GATM: variants seen among roughly 807,000 people sequenced by gnomAD.
The protein encoded by GATM is glycine amidinotransferase, mitochondrial.
A neutral mutation model predicts 54.2 loss-of-function variants in GATM; 23 were observed. That is an observed-to-expected ratio of 0.42 (90% CI 0.31 to 0.60). The LOEUF is 0.60. Among genes scored for constraint, GATM ranks in the 20% least tolerant of loss-of-function variants. The pLI is 0.14. For missense variants in GATM, 401 were observed against 544.9 expected (o/e 0.74, Z 2.63); for synonymous variants, 168 against 183.1 (o/e 0.92, Z 0.67).
intron 2 of GATM, among the ~76,000 whole-genome samples, chr15:45,398,491 A>C (rs1281590498): frequency 1.3e-5 from 2 of 152,172 alleles, no homozygotes; most frequent in African/African-American, 2.4e-5. Context: ...TACTCTAAAG[A>C]CTAATTCTAA....
intron 1 of GATM, chr15:45,377,220 G>A (rs777543113): frequency 4.1e-6 from 2 of 490,746 alleles, no homozygotes; most frequent in South Asian, 1.5e-5. Flanking sequence ...TCTCAGCTGG[G>A]GACGGAACCT....
chr15:45,368,061 G>C lies in GATM; in HGVS notation c.675+9C>G, dbSNP rs766041671. 1.2e-5 allele frequency: 20 copies of C among 1,613,096 alleles called. No individual in the cohort carries two copies. Among genetic ancestry groups the C allele is most frequent in the Non-Finnish European group, 1.6e-5 (19 of 1,179,268 alleles). On this transcript the variant is annotated intron_variant, in intron 4 of 8. Transcript: ENST00000396659. This position sits in a 1 kb window ranked among gnomAD's most constrained non-coding sequence, Gnocchi z 5.1. ...TTAGTAATAAGCTAGCCTATAATTA[G>C]GGACTCACCTGGTTATAAAGCTCAT...
At position 45,387,220 on chromosome 15, in the gene GATM, T is replaced by G. The variant is rs149323827; in HGVS notation, c.-319+9702A>C. ...CAATTAAATCATTTCAGGGGACAGA[T>G]TTCAGACATTCCCAAGAGAATGCAT... On this transcript the variant is annotated intron_variant, in intron 3 of 4. Transcript: ENST00000561148. Among the ~76,000 whole-genome samples the G allele has an allele frequency of 3.3e-3, 507 of 152,308 alleles. 1 individual carries two copies. Among genetic ancestry groups the G allele is most frequent in the African/African-American group, 0.012 (484 of 41,576 alleles).
Position 45,369,496 on chromosome 15 carries a change from G to T in GATM, c.314C>A (p.Pro105Gln). ...ATGCCCTCCTTGCTTCTGGTAAAAT[G>T]GCCAGTACTTTTCATATGTGTTGGC... ...VKANTYEKYWPFYQKQGGHYF... is the reference protein window; with the variant it reads ...VKANTYEKYWQFYQKQGGHYF... Residue 105 changes from proline to glutamine, a missense_variant, in exon 3 of 9, where the codon CCA becomes CAA. This residue lies in a region of GATM where 321 missense variants were observed against 457.5 expected (regional missense o/e 0.70). Coordinates refer to ENST00000396659, the MANE Select transcript of GATM (RefSeq NM_001482.3). 6 of 1,614,050 alleles carry T rather than the reference G, an allele frequency of 3.7e-6. No homozygotes were observed. Among genetic ancestry groups the T allele is most frequent in the Non-Finnish European group, 5.1e-6 (6 of 1,179,982 alleles).
intron 3 of GATM, among the ~76,000 whole-genome samples, chr15:45,389,673 A>G (rs1006954489): frequency 1.3e-5 from 2 of 152,028 alleles, no homozygotes; most frequent in African/African-American, 4.8e-5. Context: ...CTTGTTTTTA[A>G]CTTAAGGTTT....
rs1889418469 is a variant in GATM, at chr15:45,364,605, T to C, written c.1042+192A>G. ...ATTCTGTCTTCTCCTTACTTCATTT[T>C]CTATGGATGAAAAAGTTGCAAACAC... On this transcript the variant is annotated intron_variant, in intron 7 of 8. Coordinates refer to ENST00000396659, the MANE Select transcript of GATM (RefSeq NM_001482.3). The C allele has an allele frequency of 1.0e-5, 6 of 598,010 alleles. No individual in the cohort carries two copies. In the East Asian group the frequency reaches 1.7e-4, roughly 17 times the overall value. The allele number at this position is 598,010 out of a possible 1,614,324, so 37.0% of individuals were successfully genotyped here.
At chr15:45,372,118 G>C (rs544269727) in intron 2 of GATM, among the ~76,000 whole-genome samples, 1 of 152,324 alleles carries the variant, frequency 6.6e-6, no homozygotes, top group East Asian at 1.9e-4. Context: ...GGCAAATTTG[G>C]CCTGCTGCTT....
chr15:45,364,377 A>G, intron 7 of GATM: 1 of 299,202 alleles, frequency 3.3e-6, no homozygotes, highest in South Asian at 3.7e-5. Flanking sequence ...ACAAATAAAA[A>G]AAAATAACTT....
intron 3 of GATM, among the ~76,000 whole-genome samples, chr15:45,393,338 C>T (rs1889891772): frequency 1.3e-5 from 2 of 151,962 alleles, no homozygotes; most frequent in South Asian, 4.1e-4. Context: ...AGTTTTGAAT[C>T]CTAGGTCTGC....
rs536845708 is a variant in GATM at position 45,397,962 on chromosome 15, G to A, written c.-479-880C>T. On this transcript the variant is annotated intron_variant, in intron 2 of 4. Coordinates refer to the GATM transcript ENST00000561148. ...CCTGGTGTCAGAAGTGCTGTGTTGA[G>A]TGGCTGAGTGGTGTATGAGAGTAGG... 2.0e-5 allele frequency among the ~76,000 whole-genome samples: 3 copies of A among 152,380 alleles called. No homozygotes were observed. The East Asian group carries it at 5.8e-4, about 29-fold the overall frequency.
At chr15:45,385,868 C>T (rs908163631) in intron 3 of GATM, among the ~76,000 whole-genome samples, 20 of 152,212 alleles carry the variant, frequency 1.3e-4, no homozygotes, top group African/African-American at 4.8e-4. Context: ...CATATATCTC[C>T]TAGTGACTCC....
rs1302530389 is a variant in GATM, at chr15:45,389,917, TG to T, written c.-319+7004del. ...CACTGTTGCCCAGGATGGAGTGCAG[TG>T]GCGTGATCTCAGCTCACTGCAACCT... On this transcript the variant is annotated intron_variant, in intron 3 of 4. Coordinates refer to the GATM transcript ENST00000561148. Among the ~76,000 whole-genome samples, 5 of 152,034 alleles carry T rather than the reference TG, an allele frequency of 3.3e-5. No individual in the cohort carries two copies. The East Asian group carries it at 9.6e-4, about 29-fold the overall frequency.
At chr15:45,396,552 AAGGTATGGTAT>A (rs1889933366) in intron 3 of GATM, among the ~76,000 whole-genome samples, 1 of 152,096 alleles carries the variant, frequency 6.6e-6, no homozygotes, top group Non-Finnish European at 1.5e-5. Context: ...ACAGTTTCCA[AAGGTATGGTAT>A]AGTCAGTCTT....
At chr15:45,367,108 A>C (rs1040265923) in intron 4 of GATM, among the ~76,000 whole-genome samples, 5 of 152,186 alleles carry the variant, frequency 3.3e-5, no homozygotes, top group Admixed American at 6.5e-5. Context: ...TGGGAGGCCA[A>C]GGCAGGTGGA....
At chr15:45,385,670 A>G (rs1045301082) in intron 3 of GATM, among the ~76,000 whole-genome samples, 72 of 152,320 alleles carry the variant, frequency 4.7e-4, no homozygotes, top group African/African-American at 1.7e-3. Context: ...TTAGTCTTAG[A>G]AAAAGGAAGC....
chr15:45,385,038 G>C (rs777775164), intron 3 of GATM, among the ~76,000 whole-genome samples: 3 of 152,166 alleles, frequency 2.0e-5, no homozygotes, highest in Admixed American at 6.5e-5. Context: ...CACTGGTTGT[G>C]CTAGTCAGAC....
Position 45,363,879 on chromosome 15 carries a change from TG to T in GATM, c.1159+20del, listed in dbSNP as rs764602146. ...TTTAACGTTTTCATGTATGACAACATGTTTCATTTGTTGTACATACCCAGCT... is the reference window on the plus strand; with the variant it reads ...TTTAACGTTTTCATGTATGACAACATTTTCATTTGTTGTACATACCCAGCT... On this transcript the variant is annotated intron_variant, in intron 8 of 8. Coordinates refer to ENST00000396659, the MANE Select transcript of GATM (RefSeq NM_001482.3). 3 of 1,324,928 alleles carry T rather than the reference TG, an allele frequency of 2.3e-6. No homozygotes were observed. Among genetic ancestry groups the T allele is most frequent in the Non-Finnish European group, 3.3e-6 (3 of 916,952 alleles). 82.1% of individuals were successfully genotyped at this position (1,324,928 alleles called of 1,614,324 possible).
chr15:45,377,059 C>T (rs541966997), intron 1 of GATM: 2 of 537,442 alleles, frequency 3.7e-6, no homozygotes, highest in Admixed American at 2.9e-5. Flanking sequence ...CTCTTTAAAA[C>T]TCCTCAGAAG....
At chr15:45,367,654 T>G (rs1467972904) in intron 4 of GATM, among the ~76,000 whole-genome samples, 1 of 152,244 alleles carries the variant, frequency 6.6e-6, no homozygotes, top group South Asian at 2.1e-4. Flanking sequence ...GAATTTGAAC[T>G]GTAGATCAGG....
Sources: gnomAD v4.1 joint callset for allele counts (sites outside exome capture counted in the v4.1 genomes callset) on GRCh38, gnomAD v4.1.1 for gene constraint, gnomAD v4.1.1 regional missense constraint, Gnocchi (gnomAD v3.1) non-coding constraint, MANE v1.5 for transcripts, NCBI Gene and HGNC (gene_info 2026-07-23, HGNC 2026-07-21) for gene names.